Variants in NAA15 observed in about 807,000 individuals in gnomAD.
NAA15 encodes the protein N-terminal acetyltransferase.
In NAA15, 34 loss-of-function variants were observed where a neutral mutation model predicts 114.0. The ratio of observed to expected loss-of-function variants is 0.30; its 90% CI spans 0.23 to 0.40. The LOEUF is 0.40. Among genes scored for constraint, NAA15 ranks in the 10% least tolerant of loss-of-function variants. The pLI is 1.00. For synonymous variants in NAA15, 340 were observed against 338.0 expected, an observed-to-expected ratio of 1.01 and a Z score of -0.06; for missense variants, 658 against 1,004.5, an observed-to-expected ratio of 0.66 and a Z score of 4.66.
intron 4 of NAA15, among the ~76,000 whole-genome samples, chr4:139,342,383 A>G (rs1045316212): frequency 2.0e-5 from 3 of 152,190 alleles, no homozygotes; most frequent in African/African-American, 7.2e-5. Flanking sequence ...CTTTGCCTCC[A>G]TAAAGCTACA....
At chr4:139,336,139 CT>C (rs1331506467) in intron 2 of NAA15, among the ~76,000 whole-genome samples, 2 of 152,182 alleles carry the variant, frequency 1.3e-5, no homozygotes, top group Non-Finnish European at 2.9e-5. Flanking sequence ...TAATTAATTT[CT>C]CTCTAAAGTC....
At chr4:139,301,880 C>G in intron 1 of NAA15, 49 bp downstream of exon 1, 1 of 1,547,788 alleles carries the variant, frequency 6.5e-7, no homozygotes, top group Non-Finnish European at 8.8e-7. Flanking sequence ...AGCCGGTAAC[C>G]GGGCCTGTCA....
intron 3 of NAA15, among the ~76,000 whole-genome samples, chr4:139,339,904 A>G (rs1341861935): frequency 1.3e-5 from 2 of 152,188 alleles, no homozygotes; most frequent in Non-Finnish European, 2.9e-5. Flanking sequence ...TGGGAAGTGG[A>G]ATATTCTCCT....
intron 7 of NAA15, 54 bp from the exon 8 acceptor site, chr4:139,351,137 A>G: frequency 1.1e-6 from 1 of 926,214 alleles, no homozygotes; most frequent in Non-Finnish European, 1.6e-6. Flanking sequence ...AATTTTCCAG[A>G]AAAAATATAC....
intron 1 of NAA15, among the ~76,000 whole-genome samples, chr4:139,317,212 T>G (rs1164599280): frequency 2.6e-5 from 4 of 151,948 alleles, no homozygotes; most frequent in Non-Finnish European, 5.9e-5. Flanking sequence ...ATACGTAAAT[T>G]GGAGTTTTTA....
intron 14 of NAA15, among the ~76,000 whole-genome samples, chr4:139,362,461 C>T (rs1414655455): frequency 3.9e-5 from 6 of 152,172 alleles, no homozygotes; most frequent in East Asian, 1.9e-4. Flanking sequence ...TTAGTGGAGA[C>T]GGGGTTTCAC....
At chr4:139,362,047 ATAT>A (rs758002927) in intron 14 of NAA15, 110 bp downstream of exon 14, 9 of 635,732 alleles carry the variant, frequency 1.4e-5, no homozygotes, top group South Asian at 3.7e-5. Flanking sequence ...ACGAGGAAAG[ATAT>A]TATACAAGGT....
Position 139,306,311 on chromosome 4 carries a change from C to G in NAA15, c.54+4480C>G, listed in dbSNP as rs183061651. 2.7e-3 allele frequency among the ~76,000 whole-genome samples: 415 copies of G among 152,232 alleles called. 6 individuals are homozygous for G. Among genetic ancestry groups the G allele is most frequent in the African/African-American group, 9.5e-3 (396 of 41,546 alleles). ...CTGGAGTGCAGTGGTGTGATCTTGG[C>G]TCACTGCAACCTCCACCTCCTGGGT... On this transcript the variant is annotated intron_variant, in intron 1 of 19. Transcript: ENST00000296543.
Position 139,361,740 on chromosome 4 carries a change from C to T in NAA15, c.1556C>T (p.Thr519Ile), listed in dbSNP as rs1396442801. Residue 519 changes from threonine to isoleucine, a missense_variant, in exon 14 of 20, where the codon ACT becomes ATT. Physicochemically the swap from Thr to Ile is moderately conservative, Grantham distance 89. Around this residue, in one of 6 missense-constraint regions of NAA15, gnomAD observed 7 missense variants for 35.0 expected, o/e 0.20. Coordinates refer to ENST00000296543, the MANE Select transcript of NAA15 (RefSeq NM_057175.5). ...TTTTGTTAGCATTTTATAGAAATCA[C>T]TGATGACCAGTTTGACTTTCATACA... Reference protein sequence around the residue: ...HEIERHFIEITDDQFDFHTYC... With the variant: ...HEIERHFIEIIDDQFDFHTYC... The T allele has an allele frequency of 1.3e-6, 2 of 1,592,462 alleles. No homozygotes were observed. Among genetic ancestry groups the T allele is most frequent in the Admixed American group, 1.7e-5 (1 of 57,956 alleles).
intron 17 of NAA15, among the ~76,000 whole-genome samples, chr4:139,383,671 A>G (rs1332925437): frequency 3.9e-5 from 6 of 152,242 alleles, no homozygotes; most frequent in East Asian, 3.9e-4. Context: ...GGGTTTCGCC[A>G]TGTTGGCCAG....
At position 139,360,585 on chromosome 4, in the gene NAA15, A is replaced by G. The variant is rs899049822; in HGVS notation, c.1496A>G (p.Asn499Ser). ...TECAQAYKAMNKFGEALKKCH... is the reference protein window; with the variant it reads ...TECAQAYKAMSKFGEALKKCH... ...TGTGCCCAGGCTTATAAAGCAATGAATAAATTTGGTGAAGCACTTAAGAAA... is the reference window on the plus strand; with the variant it reads ...TGTGCCCAGGCTTATAAAGCAATGAGTAAATTTGGTGAAGCACTTAAGAAA... Residue 499 changes from asparagine (N) to serine (S), a missense_variant, in exon 13 of 20, where the codon AAT becomes AGT. By Grantham distance (46) the Asn-to-Ser change is conservative (BLOSUM62 1). Coordinates refer to ENST00000296543, the MANE Select transcript of NAA15 (RefSeq NM_057175.5). The G allele has an allele frequency of 1.2e-6, 2 of 1,610,196 alleles. No individual in the cohort carries two copies. Among genetic ancestry groups the G allele is most frequent in the Admixed American group, 1.7e-5 (1 of 59,286 alleles).
chr4:139,351,583 T>C lies in NAA15; in HGVS notation c.986T>C (p.Leu329Ser). 6.3e-7 allele frequency: 1 copy of C among 1,578,470 alleles called. No individual in the cohort carries two copies. Among genetic ancestry groups the C allele is most frequent in the Non-Finnish European group, 8.7e-7 (1 of 1,147,890 alleles). Reference sequence around the variant, plus strand: ...GGTTGCCCACCAGTCTTCAATACTTTAAGATCATTATACAAAGACAAAGAA... The same window carrying C: ...GGTTGCCCACCAGTCTTCAATACTTCAAGATCATTATACAAAGACAAAGAA... ...SKGCPPVFNT[L>S]RSLYKDKEKV... Residue 329 changes from leucine (L) to serine (S), a missense_variant, in exon 9 of 20, where the codon TTA (leucine) becomes TCA (serine). Coordinates refer to ENST00000296543, the MANE Select transcript of NAA15 (RefSeq NM_057175.5).
intron 6 of NAA15, among the ~76,000 whole-genome samples, chr4:139,346,113 T>C (rs948351056): frequency 6.6e-6 from 1 of 152,086 alleles, no homozygotes; most frequent in South Asian, 2.1e-4. Context: ...CCAATAGAGA[T>C]AGAATATTTG....
At chr4:139,377,779 C>T (rs761181367) in intron 16 of NAA15, among the ~76,000 whole-genome samples, 2 of 152,146 alleles carry the variant, frequency 1.3e-5, no homozygotes, top group African/African-American at 2.4e-5. Flanking sequence ...ATTATTATAA[C>T]GTGGAAAATA....
At chr4:139,301,908 G>C (rs1745774481) in intron 1 of NAA15, 77 bp downstream of exon 1, 1 of 1,485,386 alleles carries the variant, frequency 6.7e-7, no homozygotes, top group African/African-American at 1.4e-5. Flanking sequence ...CCTCGGCCCG[G>C]CGGGCACTGA....
chr4:139,308,252 C>T (rs1438136255), intron 1 of NAA15, among the ~76,000 whole-genome samples: 5 of 152,126 alleles, frequency 3.3e-5, no homozygotes, highest in South Asian at 2.1e-4. Flanking sequence ...TGAACCACCG[C>T]GCCCGGCCCA....
intron 1 of NAA15, among the ~76,000 whole-genome samples, chr4:139,324,124 T>G (rs761390282): frequency 1.3e-5 from 2 of 152,174 alleles, no homozygotes; most frequent in Non-Finnish European, 2.9e-5. Context: ...TCAAGCAATC[T>G]GCCCACCTCC....
At chr4:139,372,310 T>A (rs555181234) in intron 15 of NAA15, among the ~76,000 whole-genome samples, 51 of 152,352 alleles carry the variant, frequency 3.3e-4, no homozygotes, top group African/African-American at 1.2e-3. Flanking sequence ...CTAGGTTTCC[T>A]TAAAGACTGT....
intron 12 of NAA15, 134 bp from the exon 13 acceptor site, chr4:139,360,366 C>G (rs1748093983): frequency 9.5e-6 from 6 of 629,258 alleles, no homozygotes; most frequent in Non-Finnish European, 1.5e-5. Context: ...CCCATGTTAA[C>G]TATTCTTTAA....
Sources: allele counts gnomAD v4.1 joint callset (sites outside exome capture counted in the v4.1 genomes callset), GRCh38; gene constraint gnomAD v4.1.1; regional missense constraint gnomAD v4.1.1; transcripts MANE v1.5; gene names NCBI Gene and HGNC (gene_info 2026-07-23, HGNC 2026-07-21).